The following TNRC6A variants were observed in gnomAD, a reference collection of about 807,000 sequenced individuals.
TNRC6A encodes the protein trinucleotide repeat containing adaptor 6A.
TNRC6A carries 44 observed loss-of-function variants against 221.2 expected under a neutral mutation model. The observed-to-expected ratio is 0.20, with a 90% CI of 0.16 to 0.26. The LOEUF is 0.26. Among genes scored for constraint, TNRC6A ranks in the 10% least tolerant of loss-of-function variants. TNRC6A has a pLI of 1.00. For missense variants in TNRC6A, 2,199 were observed against 2,404.4 expected, an observed-to-expected ratio of 0.91 and a Z score of 1.79; for synonymous variants, 847 against 838.5, an observed-to-expected ratio of 1.01 and a Z score of -0.18.
chr16:24,787,662 G>A (rs908982129), intron 5 of TNRC6A, among the ~76,000 whole-genome samples: 3 of 152,150 alleles, frequency 2.0e-5, no homozygotes, highest in Non-Finnish European at 4.4e-5. Context: ...CTTAAACAGG[G>A]AGTGGAAATT....
intron 4 of TNRC6A, chr16:24,776,409 A>G (rs1401029815): frequency 3.0e-6 from 3 of 985,360 alleles, no homozygotes; most frequent in East Asian, 1.1e-4. Flanking sequence ...AAATACAGAC[A>G]TTGTTAACTT....
intron 2 of TNRC6A, among the ~76,000 whole-genome samples, chr16:24,686,828 C>T (rs928814392): frequency 1.3e-5 from 2 of 152,134 alleles, no homozygotes; most frequent in African/African-American, 4.8e-5. Flanking sequence ...CCCTCCTAAA[C>T]CCCCTGGCCT....
chr16:24,699,293 G>A (rs1444634549), intron 2 of TNRC6A, among the ~76,000 whole-genome samples: 1 of 152,176 alleles, frequency 6.6e-6, no homozygotes, highest in African/African-American at 2.4e-5. Context: ...CTCACATGGT[G>A]TGAAAGTGGG....
intron 3 of TNRC6A, among the ~76,000 whole-genome samples, chr16:24,751,249 A>G (rs1057006043): frequency 1.3e-5 from 2 of 152,174 alleles, no homozygotes; most frequent in South Asian, 4.1e-4. Flanking sequence ...TTGAATTGAG[A>G]TGATGTTATT....
At chr16:24,730,137 C>T (rs2056591723) in intron 1 of TNRC6A, 116 bp from the exon 2 acceptor site, 2 of 696,406 alleles carry the variant, frequency 2.9e-6, no homozygotes, top group Non-Finnish European at 4.3e-6. Context: ...CCCGTCCTCT[C>T]CCCTCCCCCA....
At chr16:24,739,540 A>G (rs188209534) in intron 2 of TNRC6A, among the ~76,000 whole-genome samples, 10 of 138,466 alleles carry the variant, frequency 7.2e-5, no homozygotes, top group Non-Finnish European at 1.2e-4. Context: ...GTGCAGTGGC[A>G]TGATCTCAGC....
In TNRC6A at chr16:24,672,415, A is replaced by C. The variant is rs562187753; in HGVS notation, n.402+31406A>C. ...AGTGCTGGGATTACAGGCGTGAGCC[A>C]CCGCGCCTGGCCCTTTGTTTATTTT... On this transcript the variant is annotated intron_variant and non_coding_transcript_variant, in intron 2 of 2. Coordinates refer to the TNRC6A transcript ENST00000566108. Among the ~76,000 whole-genome samples the C allele has an allele frequency of 3.3e-5, 5 of 150,678 alleles. No homozygotes were observed. The South Asian group carries it at 1.1e-3, about 32-fold the overall frequency.
intron 2 of TNRC6A, among the ~76,000 whole-genome samples, chr16:24,743,867 A>G (rs892734254): frequency 5.9e-5 from 9 of 152,162 alleles, no homozygotes; most frequent in African/African-American, 2.2e-4. Context: ...GCACAGTAAC[A>G]TTGGCACAGT....
rs772792189 is a variant in TNRC6A, at chr16:24,804,970, C to G, written c.3985-44C>G. ...TACAGTGTGGTAATGAGATGTTTGT[C>G]CCTAAAGAATCCCACTGTTACTTGT... is the stretch of plus-strand genomic sequence containing the variant. On this transcript the variant is annotated intron_variant, in intron 13 of 24. Coordinates refer to ENST00000395799, the MANE Select transcript of TNRC6A (RefSeq NM_014494.4). 2.5e-6 allele frequency: 4 copies of G among 1,614,072 alleles called. No individual in the cohort carries two copies. The South Asian group carries it at 3.3e-5, about 13-fold the overall frequency.
chr16:24,781,032 G>C (rs1233575029), intron 5 of TNRC6A, among the ~76,000 whole-genome samples: 1 of 120,650 alleles, frequency 8.3e-6, no homozygotes, highest in Non-Finnish European at 1.6e-5. Context: ...ATTTTCTTAA[G>C]CCTCCATACT....
intron 9 of TNRC6A, among the ~76,000 whole-genome samples, chr16:24,796,821 G>A (rs925733243): frequency 6.6e-6 from 1 of 152,234 alleles, no homozygotes; most frequent in African/African-American, 2.4e-5. Flanking sequence ...ATGGCTTCCA[G>A]CCTCCTTGTC....
In TNRC6A at chr16:24,777,373, T is replaced by G. The variant is rs745624707; in HGVS notation, c.589+15T>G. 6.9e-6 allele frequency: 11 copies of G among 1,597,842 alleles called. No individual in the cohort carries two copies. The highest frequency in any genetic ancestry group is 1.7e-4 in the Middle Eastern group (1 of 6,028). ...AAACCAGTCAGGTGAGAGAAGGCAT[T>G]TCTTACGAGACTCACACCTTATCAT... On this transcript the variant is annotated intron_variant, in intron 5 of 24. Transcript: ENST00000395799.
rs747957551 is a variant in TNRC6A at position 24,816,902 on chromosome 16, A to G, written c.4918A>G (p.Asn1640Asp). 4 of 1,614,062 alleles carry G rather than the reference A, an allele frequency of 2.5e-6. No homozygotes were observed. In the African/African-American group the frequency reaches 4.0e-5, roughly 16 times the overall value. The change falls in exon 20 of 25, where the codon AAT becomes GAT. Residue 1640 changes from asparagine to aspartate, a missense_variant. Asn to Asp is a conservative substitution (Grantham distance 23). Around this residue, in one of 8 missense-constraint regions of TNRC6A, gnomAD observed 449 missense variants for 579.7 expected, o/e 0.77. Transcript: ENST00000395799. ...CGTCACTCCTGGCAGTGTCATAAAC[A>G]ATCTTTCAATTAATACTGTGCGGGA... ...PYVTPGSVIN[N>D]LSINTVREVD...
chr16:24,791,886 G>A, intron 6 of TNRC6A, 69 bp downstream of exon 6: 1 of 1,414,730 alleles, frequency 7.1e-7, no homozygotes, highest in East Asian at 2.7e-5. Context: ...GTATAACAAA[G>A]TACTTGGATA....
intron 1 of TNRC6A, among the ~76,000 whole-genome samples, chr16:24,624,488 G>GTTTGTTTT: frequency 6.6e-6 from 1 of 151,998 alleles, no homozygotes; most frequent in Admixed American, 6.6e-5. Context: ...TTGTTTGTTT[G>GTTTGTTTT]TTTGTTTTGA....
intron 2 of TNRC6A, among the ~76,000 whole-genome samples, chr16:24,669,788 A>G (rs1365830162): frequency 6.6e-6 from 1 of 151,866 alleles, no homozygotes. Context: ...TAGTAAGAGT[A>G]GTAATAGTAA....
chr16:24,733,141 C>A (rs1278212738), intron 2 of TNRC6A, among the ~76,000 whole-genome samples: 1 of 152,114 alleles, frequency 6.6e-6, no homozygotes, highest in Non-Finnish European at 1.5e-5. Flanking sequence ...TACTTGAACC[C>A]TGGGAGCGGA....
chr16:24,708,245 T>TG (rs2056136142), intron 2 of TNRC6A, among the ~76,000 whole-genome samples: 1 of 68,636 alleles, frequency 1.5e-5, no homozygotes, highest in Admixed American at 1.6e-4. Context: ...CATGGATGAG[T>TG]TTTTTTTTTT....
intron 2 of TNRC6A, among the ~76,000 whole-genome samples, chr16:24,748,076 A>G (rs1403795972): frequency 6.6e-6 from 1 of 152,094 alleles, no homozygotes; most frequent in Non-Finnish European, 1.5e-5. Flanking sequence ...GCCACTGAGG[A>G]CTGGTGAGTT....
Sources: gnomAD v4.1 joint callset for allele counts (sites outside exome capture counted in the v4.1 genomes callset) on GRCh38, gnomAD v4.1.1 for gene constraint, gnomAD v4.1.1 regional missense constraint, MANE v1.5 for transcripts, NCBI Gene and HGNC (gene_info 2026-07-23, HGNC 2026-07-21) for gene names.